Variants in NAALADL2 observed in about 807,000 individuals in gnomAD.
NAALADL2 encodes the protein N-acetylated alpha-linked acidic dipeptidase like 2.
In NAALADL2, 76 loss-of-function variants were observed where a neutral mutation model predicts 87.2. The observed-to-expected ratio is 0.87, with a 90% CI of 0.72 to 1.05. NAALADL2 has a LOEUF of 1.05. Ranked by LOEUF, NAALADL2 falls within the 50% of genes least tolerant of loss-of-function variation. The pLI is 0.00. For synonymous variants in NAALADL2, 354 were observed against 331.0 expected (o/e 1.07, Z -0.75); for missense variants, 1,089 against 945.8 (o/e 1.15, Z -1.99).
In NAALADL2 at chr3:175,809,530, A is replaced by G. The variant is rs1163139708; in HGVS notation, c.*6327A>G. On this transcript the variant is annotated 3_prime_UTR_variant, in exon 14 of 14. Transcript: ENST00000454872. Reference sequence around the variant, plus strand: ...CTCTCTTAAAAAAAAAAAAAAAAAAAAAAAAAAAAGAAAAGAAAAAGTAGC... The same window carrying G: ...CTCTCTTAAAAAAAAAAAAAAAAAAGAAAAAAAAAGAAAAGAAAAAGTAGC... 1 of 150,260 alleles carries G rather than the reference A, an allele frequency of 6.7e-6. No individual in the cohort carries two copies. Among genetic ancestry groups the G allele is most frequent in the Non-Finnish European group, 1.5e-5 (1 of 67,640 alleles). 9.3% of individuals were successfully genotyped at this position (150,260 alleles called of 1,614,324 possible).
At chr3:175,791,509 T>C (rs1256959624) in intron 13 of NAALADL2, among the ~76,000 whole-genome samples, 1 of 152,162 alleles carries the variant, frequency 6.6e-6, no homozygotes, top group African/African-American at 2.4e-5. Flanking sequence ...TTCAACATTA[T>C]TCACTCTTGT....
chr3:174,950,121 G>T (rs1004179303), intron 1 of NAALADL2, among the ~76,000 whole-genome samples: 2 of 152,024 alleles, frequency 1.3e-5, no homozygotes, highest in African/African-American at 4.8e-5. Flanking sequence ...AAGAGACAGA[G>T]AATACCAAAG....
Position 175,766,171 on chromosome 3 carries a change from C to A in NAALADL2, c.2189+10753C>A, listed in dbSNP as rs112368275. 1.4e-3 allele frequency among the ~76,000 whole-genome samples: 216 copies of A among 152,206 alleles called. 2 individuals carry two copies. Among genetic ancestry groups the A allele is most frequent in the African/African-American group, 4.8e-3 (199 of 41,540 alleles). ...TCCCTACTTCTGGATAAGAGATATGCCTTATTGTCCTGAATCAATAAAATT... is the reference window on the plus strand; with the variant it reads ...TCCCTACTTCTGGATAAGAGATATGACTTATTGTCCTGAATCAATAAAATT... On this transcript the variant is annotated intron_variant, in intron 13 of 13. Transcript: ENST00000454872.
chr3:175,291,400 T>G (rs1339278713), intron 4 of NAALADL2, among the ~76,000 whole-genome samples: 1 of 152,186 alleles, frequency 6.6e-6, no homozygotes, highest in Non-Finnish European at 1.5e-5. Flanking sequence ...ATCTTGTGGT[T>G]TGATTTACTG....
intron 1 of NAALADL2, among the ~76,000 whole-genome samples, chr3:175,063,637 C>T (rs1378418618): frequency 6.6e-6 from 1 of 151,828 alleles, no homozygotes; most frequent in African/African-American, 2.4e-5. Flanking sequence ...CCACTATGTC[C>T]CCACTAATTT....
intron 1 of NAALADL2, among the ~76,000 whole-genome samples, chr3:174,860,137 AAAAGAAAGTAGAT>A (rs1407882085): frequency 3.3e-5 from 5 of 152,140 alleles, no homozygotes; most frequent in Non-Finnish European, 7.4e-5. Flanking sequence ...TTAAAGAAGA[AAAAGAAAGTAGAT>A]ATTGGGCCTA....
chr3:174,718,777 C>T (rs1213867114), intron 2 of NAALADL2, among the ~76,000 whole-genome samples: 1 of 152,166 alleles, frequency 6.6e-6, no homozygotes, highest in Non-Finnish European at 1.5e-5. Flanking sequence ...ACAGTACTTG[C>T]CGCTCCCTTT....
intron 9 of NAALADL2, among the ~76,000 whole-genome samples, chr3:175,530,310 C>T (rs1287206267): frequency 6.6e-6 from 1 of 152,172 alleles, no homozygotes; most frequent in Non-Finnish European, 1.5e-5. Flanking sequence ...TACCTCTTCC[C>T]TAAATTTATT....
chr3:174,712,819 A>C (rs1560165407), intron 2 of NAALADL2, among the ~76,000 whole-genome samples: 1 of 152,018 alleles, frequency 6.6e-6, no homozygotes, highest in Non-Finnish European at 1.5e-5. Context: ...ATTTTTAATT[A>C]TACTTTAAGT....
At position 174,738,877 on chromosome 3, in the gene NAALADL2, A is replaced by C. The variant is rs1733481859; in HGVS notation, c.-9+1131A>C. On this transcript the variant is annotated intron_variant, in intron 3 of 3. Coordinates refer to the NAALADL2 transcript ENST00000434257. ...GAAAAAATTACTTTTTGACCATAAA[A>C]TGCAATATTACATGATGCATCAGTT... Among the ~76,000 whole-genome samples the C allele has an allele frequency of 2.0e-5, 3 of 152,214 alleles. No homozygotes were observed. In the South Asian group the frequency reaches 6.2e-4, roughly 32 times the overall value.
At chr3:175,515,168 G>C (rs755643599) in intron 9 of NAALADL2, among the ~76,000 whole-genome samples, 14 of 152,144 alleles carry the variant, frequency 9.2e-5, no homozygotes, top group Non-Finnish European at 1.8e-4. Context: ...AATTTTTGTG[G>C]ATTTGTAGAA....
intron 11 of NAALADL2, among the ~76,000 whole-genome samples, chr3:175,720,416 G>A (rs1742075253): frequency 6.6e-6 from 1 of 151,886 alleles, no homozygotes; most frequent in Admixed American, 6.6e-5. Context: ...TTGTTGAAGT[G>A]AAAAATAAAT....
chr3:175,753,746 G>A (rs1184183872), intron 12 of NAALADL2, among the ~76,000 whole-genome samples: 1 of 152,044 alleles, frequency 6.6e-6, no homozygotes, highest in African/African-American at 2.4e-5. Flanking sequence ...CAAGTATTAC[G>A]GGAACTGGTA....
chr3:175,317,086 GTATATGAT>G (rs1759241836), intron 4 of NAALADL2, among the ~76,000 whole-genome samples: 1 of 152,044 alleles, frequency 6.6e-6, no homozygotes, highest in Admixed American at 6.6e-5. Context: ...GCCAAAAATA[GTATATGAT>G]TACACCCTAT....
intron 1 of NAALADL2, among the ~76,000 whole-genome samples, chr3:175,013,294 TA>T (rs1333158877): frequency 0.024 from 2,059 of 84,054 alleles, 181 homozygotes; most frequent in African/African-American, 0.13. Context: ...TATATATATA[TA>T]TATATATTTT....
chr3:175,526,925 A>C (rs1464699578), intron 9 of NAALADL2, among the ~76,000 whole-genome samples: 1 of 152,026 alleles, frequency 6.6e-6, no homozygotes, highest in Non-Finnish European at 1.5e-5. Flanking sequence ...GAGGAGTTAC[A>C]CTCCAGGCTT....
intron 4 of NAALADL2, among the ~76,000 whole-genome samples, chr3:175,307,322 A>C (rs1385052354): frequency 2.0e-5 from 3 of 152,122 alleles, no homozygotes; most frequent in African/African-American, 7.2e-5. Flanking sequence ...TTCAATTAGA[A>C]AAATAAATTA....
In NAALADL2 at chr3:175,154,164, A is replaced by G. The variant is rs540390701; in HGVS notation, c.545+56873A>G. Among the ~76,000 whole-genome samples, 9 of 152,122 alleles carry G rather than the reference A, an allele frequency of 5.9e-5. No homozygotes were observed. In the South Asian group the frequency reaches 1.7e-3, roughly 28 times the overall value. On this transcript the variant is annotated intron_variant, in intron 2 of 13. Coordinates refer to ENST00000454872, the MANE Select transcript of NAALADL2 (RefSeq NM_207015.3). ...AGGTGATTTCAACATGCATATACCTATTTTTCATATCTGAGGCTGCCTTTA... is the reference window on the plus strand; with the variant it reads ...AGGTGATTTCAACATGCATATACCTGTTTTTCATATCTGAGGCTGCCTTTA...
chr3:175,457,230 C>CA (rs1722447385), intron 6 of NAALADL2, among the ~76,000 whole-genome samples: 1 of 152,078 alleles, frequency 6.6e-6, no homozygotes, highest in South Asian at 2.1e-4. Context: ...TTACTCTACT[C>CA]AGGCTCTAAC....
Sources: gnomAD v4.1 joint callset for allele counts (sites outside exome capture counted in the v4.1 genomes callset) on GRCh38, gnomAD v4.1.1 for gene constraint, MANE v1.5 for transcripts, NCBI Gene and HGNC (gene_info 2026-07-23, HGNC 2026-07-21) for gene names.